Variants in RIMS1 observed in about 807,000 individuals in gnomAD.
The protein encoded by RIMS1 is regulating synaptic membrane exocytosis 1.
A neutral mutation model predicts 214.1 loss-of-function variants in RIMS1; 83 were observed. The ratio of observed to expected loss-of-function variants is 0.39; its 90% CI spans 0.32 to 0.47. The LOEUF is 0.47. Ranked by LOEUF, RIMS1 falls within the 20% of genes least tolerant of loss-of-function variation. The probability of loss-of-function intolerance (pLI) is 0.99; values close to 1 mark genes in which losing one functional copy is unlikely to be tolerated. For synonymous variants in RIMS1, 793 were observed against 786.8 expected, an observed-to-expected ratio of 1.01 and a Z score of -0.13; for missense variants, 2,050 against 2,161.8, an observed-to-expected ratio of 0.95 and a Z score of 1.03.
rs138332916 is a variant in RIMS1, at chr6:71,942,033, CTTTCTGGG to C, written c.165-26946_165-26939del. Among the ~76,000 whole-genome samples, 588 of 152,270 alleles carry C rather than the reference CTTTCTGGG, an allele frequency of 3.9e-3. 3 individuals carry two copies. The highest frequency in any genetic ancestry group is 6.0e-3 in the Non-Finnish European group (407 of 68,028). ...TGGTCAAATTATCTTCTTTCCCTTT[CTTTCTGGG>C]TTTTCTAGTACTATGCTTTAGAATG... On this transcript the variant is annotated intron_variant, in intron 1 of 33. Transcript: ENST00000521978.
At chr6:71,962,537 T>C (rs1793257140) in intron 1 of RIMS1, among the ~76,000 whole-genome samples, 1 of 152,200 alleles carries the variant, frequency 6.6e-6, no homozygotes, top group Admixed American at 6.5e-5. Context: ...TTAGTACATC[T>C]GGCTTTTTGA....
chr6:72,271,669 T>G (rs530327390), intron 22 of RIMS1, among the ~76,000 whole-genome samples: 20 of 152,102 alleles, frequency 1.3e-4, no homozygotes, highest in Non-Finnish European at 2.5e-4. Context: ...AGCTGCAACA[T>G]AAGTATCATT....
chr6:72,001,044 A>G (rs1007718091), intron 2 of RIMS1, among the ~76,000 whole-genome samples: 1 of 152,108 alleles, frequency 6.6e-6, no homozygotes, highest in Non-Finnish European at 1.5e-5. Context: ...ATAAATTCAT[A>G]TTCTCTGCTT....
At chr6:71,890,206 A>G (rs1769200438) in intron 1 of RIMS1, among the ~76,000 whole-genome samples, 1 of 152,128 alleles carries the variant, frequency 6.6e-6, no homozygotes. Flanking sequence ...TAAAATCAAG[A>G]TTTTAGAAGA....
chr6:72,004,483 C>G (rs1180002647), intron 2 of RIMS1, among the ~76,000 whole-genome samples: 1 of 151,866 alleles, frequency 6.6e-6, no homozygotes, highest in Non-Finnish European at 1.5e-5. Context: ...TACAGTCCCA[C>G]CAACAGTGTA....
intron 6 of RIMS1, among the ~76,000 whole-genome samples, chr6:72,191,042 C>G (rs1185379893): frequency 6.6e-6 from 1 of 152,216 alleles, no homozygotes; most frequent in African/African-American, 2.4e-5. Context: ...CTATCTGCCA[C>G]TGACACCTCA....
intron 2 of RIMS1, among the ~76,000 whole-genome samples, chr6:72,075,290 TAG>T (rs1301584801): frequency 6.6e-6 from 1 of 152,022 alleles, no homozygotes; most frequent in Admixed American, 6.6e-5. Flanking sequence ...AAAAAACGTG[TAG>T]AGAGAGTGTC....
chr6:71,912,872 A>G (rs1182145868), intron 1 of RIMS1, among the ~76,000 whole-genome samples: 1 of 152,172 alleles, frequency 6.6e-6, no homozygotes, highest in Non-Finnish European at 1.5e-5. Context: ...TTGATGTTTC[A>G]GTATTATTTT....
chr6:72,003,560 AG>A (rs1175402738), intron 2 of RIMS1, among the ~76,000 whole-genome samples: 4 of 152,090 alleles, frequency 2.6e-5, no homozygotes, highest in African/African-American at 9.7e-5. Flanking sequence ...TTTCTGGGAA[AG>A]AAAAAATAAT....
chr6:71,953,967 C>T (rs1229351488), intron 1 of RIMS1, among the ~76,000 whole-genome samples: 2 of 152,138 alleles, frequency 1.3e-5, no homozygotes. Context: ...AAGAGTTAAA[C>T]AGGGTTAGAA....
chr6:71,953,699 A>G (rs1467597009), intron 1 of RIMS1, among the ~76,000 whole-genome samples: 1 of 152,200 alleles, frequency 6.6e-6, no homozygotes, highest in Non-Finnish European at 1.5e-5. Context: ...ATAACAGTAC[A>G]TTGAAATAGC....
At chr6:72,299,372 A>G (rs2094405164) in intron 26 of RIMS1, among the ~76,000 whole-genome samples, 1 of 151,982 alleles carries the variant, frequency 6.6e-6, no homozygotes, top group African/African-American at 2.4e-5. Context: ...ATGAAAGGCA[A>G]TTAAAGTAAG....
Position 71,889,175 on chromosome 6 carries a change from G to T in RIMS1, c.164+1988G>T, listed in dbSNP as rs1080064. On this transcript the variant is annotated intron_variant, in intron 1 of 33. Transcript: ENST00000521978. The stretch of plus-strand genomic sequence containing the variant: ...GCCAGAGTCCGGATAGGAAGGGGAA[G>T]GCACGGTGCAAGTAGTGGCCATCAT... 2.2e-4 allele frequency among the ~76,000 whole-genome samples: 34 copies of T among 152,296 alleles called. No homozygotes were observed. In the East Asian group the frequency reaches 2.7e-3, roughly 12 times the overall value.
chr6:72,078,543 C>A (rs1015574459), intron 2 of RIMS1, among the ~76,000 whole-genome samples: 3 of 152,156 alleles, frequency 2.0e-5, no homozygotes, highest in Non-Finnish European at 4.4e-5. Context: ...ATGCCCAGAG[C>A]TTACTATGCA....
Position 72,182,509 on chromosome 6 carries a change from A to C in RIMS1, c.1038A>C (p.Arg346Ser), listed in dbSNP as rs535650527. 1.3e-5 allele frequency: 21 copies of C among 1,595,798 alleles called. No individual in the cohort carries two copies. Among genetic ancestry groups the C allele is most frequent in the African/African-American group, 1.2e-4 (9 of 74,642 alleles). The change falls in exon 6 of 34, where the codon AGA (arginine) becomes AGC (serine). Residue 346 changes from arginine (R) to serine (S), a missense_variant. Physicochemically the swap from Arg to Ser is moderately radical, Grantham distance 110. Around this residue, in one of 6 missense-constraint regions of RIMS1, gnomAD observed 882 missense variants for 828.9 expected, o/e 1.06. Coordinates refer to ENST00000521978, the MANE Select transcript of RIMS1 (RefSeq NM_014989.7). ...AAGCGGCGGATGAGGAAAAGCAAAG[A>C]AAAGAGGAGGATTATCAGACCAGGT... ...EGKAADEEKQRKEEDYQTRYR... is the reference protein window; with the variant it reads ...EGKAADEEKQSKEEDYQTRYR...
At chr6:72,209,218 C>A (rs1273859167) in intron 6 of RIMS1, among the ~76,000 whole-genome samples, 1 of 152,160 alleles carries the variant, frequency 6.6e-6, no homozygotes, top group Admixed American at 6.6e-5. Flanking sequence ...TGATAGATAG[C>A]GTCAAATACT....
At chr6:72,223,409 A>G (rs2059149012) in intron 6 of RIMS1, among the ~76,000 whole-genome samples, 1 of 152,184 alleles carries the variant, frequency 6.6e-6, no homozygotes, top group East Asian at 1.9e-4. Context: ...TATATTGTGT[A>G]CATATCATTT....
At chr6:72,050,536 G>A (rs533440999) in intron 2 of RIMS1, among the ~76,000 whole-genome samples, 6 of 152,316 alleles carry the variant, frequency 3.9e-5, no homozygotes, top group African/African-American at 1.2e-4. Flanking sequence ...GCCCAGACCT[G>A]TGGTGGAGGG....
At chr6:72,200,749 A>T (rs1413072777) in intron 6 of RIMS1, among the ~76,000 whole-genome samples, 1 of 152,144 alleles carries the variant, frequency 6.6e-6, no homozygotes, top group East Asian at 1.9e-4. Context: ...TTAATGCCTT[A>T]GAGAAAGTCT....
Sources: allele counts gnomAD v4.1 joint callset (sites outside exome capture counted in the v4.1 genomes callset), GRCh38; gene constraint gnomAD v4.1.1; regional missense constraint gnomAD v4.1.1; transcripts MANE v1.5; gene names NCBI Gene and HGNC (gene_info 2026-07-23, HGNC 2026-07-21).